ORC3: variants seen among roughly 807,000 people sequenced by gnomAD.
ORC3 encodes the protein homolog of latheo, Drosophila.
ORC3 carries 78 observed loss-of-function variants against 100.7 expected under a neutral mutation model. The observed-to-expected ratio is 0.77, with a 90% CI of 0.65 to 0.94. The LOEUF is 0.94. Among genes scored for constraint, ORC3 ranks in the 40% least tolerant of loss-of-function variants. The pLI is 0.00. For missense variants in ORC3, 789 were observed against 823.9 expected, an observed-to-expected ratio of 0.96 and a Z score of 0.52; for synonymous variants, 295 against 289.3, an observed-to-expected ratio of 1.02 and a Z score of -0.20.
intron 13 of ORC3, among the ~76,000 whole-genome samples, chr6:87,648,839 T>G (rs1356546533): frequency 1.3e-5 from 2 of 152,248 alleles, no homozygotes; most frequent in African/African-American, 4.8e-5. Context: ...ATATTTAGAT[T>G]GTTTCTAATT....
In ORC3 at chr6:87,657,096, G is replaced by A. The variant is rs9450766; in HGVS notation, c.1593+114G>A. The A allele has an allele frequency of 3.3e-3, 2,308 of 701,724 alleles. 34 individuals are homozygous for A. In the African/African-American group the frequency reaches 0.037, roughly 11 times the overall value. 43.5% of individuals were successfully genotyped at this position (701,724 alleles called of 1,614,324 possible). ...TGTTTTCATTTTTAAACCACAACCAGGAACAAAGCAGACTTTTAACTCACT... is the reference window on the plus strand; with the variant it reads ...TGTTTTCATTTTTAAACCACAACCAAGAACAAAGCAGACTTTTAACTCACT... On this transcript the variant is annotated intron_variant, in intron 15 of 19. Coordinates refer to ENST00000392844, the MANE Select transcript of ORC3 (RefSeq NM_012381.4).
chr6:87,604,310 G>A (rs547204081), intron 4 of ORC3, among the ~76,000 whole-genome samples: 8 of 152,296 alleles, frequency 5.3e-5, no homozygotes, highest in South Asian at 4.1e-4. Flanking sequence ...TCCAGGGATC[G>A]TATTAAAATG....
At chr6:87,656,631 A>C (rs1769718101) in intron 14 of ORC3, among the ~76,000 whole-genome samples, 1 of 151,694 alleles carries the variant, frequency 6.6e-6, no homozygotes. Context: ...TGTTGGTTTG[A>C]GGGAGTTTTG....
chr6:87,612,096 C>G lies in ORC3; in HGVS notation c.721C>G (p.Leu241Val), dbSNP rs748091739. Residue 241 changes from leucine to valine, a missense_variant, in exon 8 of 20, where the codon CTC (leucine) becomes GTC (valine). Around this residue, in one of 3 missense-constraint regions of ORC3, gnomAD observed 399 missense variants for 382.0 expected, o/e 1.04. Coordinates refer to ENST00000392844, the MANE Select transcript of ORC3 (RefSeq NM_012381.4). ...QDFIIISSQHLHEFPLILIFG... is the reference protein window; with the variant it reads ...QDFIIISSQHVHEFPLILIFG... Reference sequence around the variant, plus strand: ...TCTGTCTTTCAAAACTAGTCAACATCTCCATGAATTTCCACTAATACTCAT... The same window carrying G: ...TCTGTCTTTCAAAACTAGTCAACATGTCCATGAATTTCCACTAATACTCAT... 1 of 1,608,534 alleles carries G rather than the reference C, an allele frequency of 6.2e-7. No homozygotes were observed. The highest frequency in any genetic ancestry group is 1.1e-5 in the South Asian group (1 of 89,178).
chr6:87,636,475 G>A lies in ORC3; in HGVS notation c.1371G>A (p.Leu457=), dbSNP rs778851260. Residue 457 remains leucine, a synonymous_variant, in exon 13 of 20, where the codon TTG becomes TTA. Coordinates refer to ENST00000392844, the MANE Select transcript of ORC3 (RefSeq NM_012381.4). The part of the protein sequence containing the change: ...IWDSEEYASV[L]QLLRMLAKDE... ...ATTCAGAGGAGTATGCATCAGTCTT[G>A]CAGCTGCTGAGGTAGTTTTGTTTTT... 5.0e-6 allele frequency: 8 copies of A among 1,609,044 alleles called. No individual in the cohort carries two copies. The South Asian group carries it at 8.8e-5, about 18-fold the overall frequency.
chr6:87,619,112 CA>C (rs1362760288), intron 9 of ORC3, among the ~76,000 whole-genome samples: 1 of 151,994 alleles, frequency 6.6e-6, no homozygotes, highest in East Asian at 1.9e-4. Flanking sequence ...CACCTTAAGA[CA>C]AACTGACCTG....
At chr6:87,673,335 G>A in the ORC3 span, among the ~76,000 whole-genome samples, 1 of 151,774 alleles carries the variant, frequency 6.6e-6, no homozygotes, top group Admixed American at 6.6e-5. Flanking sequence ...TCTTAGCTGG[G>A]AACTGTTTTG....
chr6:87,604,716 C>G (rs1778206546), intron 4 of ORC3, among the ~76,000 whole-genome samples: 1 of 152,134 alleles, frequency 6.6e-6, no homozygotes, highest in Non-Finnish European at 1.5e-5. Context: ...TTTTACTGAA[C>G]TTCTAAATTT....
intron 13 of ORC3, among the ~76,000 whole-genome samples, chr6:87,639,704 GCA>G (rs1004687143): frequency 2.0e-5 from 3 of 151,954 alleles, no homozygotes; most frequent in African/African-American, 7.3e-5. Context: ...AAGAGGCCAG[GCA>G]CAGTGGCTTA....
At chr6:87,637,180 C>T (rs1332774313) in intron 13 of ORC3, among the ~76,000 whole-genome samples, 1 of 152,044 alleles carries the variant, frequency 6.6e-6, no homozygotes, top group Non-Finnish European at 1.5e-5. Context: ...GTTGTAAATG[C>T]TTATATAAAA....
the ORC3 span, chr6:87,675,362 G>C: frequency 1.8e-6 from 1 of 549,484 alleles, no homozygotes; most frequent in African/African-American, 1.9e-5. Flanking sequence ...TAATGATACA[G>C]CAAAATGAGG....
intron 13 of ORC3, among the ~76,000 whole-genome samples, chr6:87,646,228 C>T (rs534077341): frequency 4.3e-4 from 66 of 151,916 alleles, no homozygotes; most frequent in Admixed American, 3.6e-3. Flanking sequence ...CCTCATGATC[C>T]GCCCGCCTCG....
the ORC3 span, among the ~76,000 whole-genome samples, chr6:87,677,623 A>AG: frequency 6.6e-6 from 1 of 152,220 alleles, no homozygotes; most frequent in Non-Finnish European, 1.5e-5. Flanking sequence ...CTACACGGCT[A>AG]GCCAATACTC....
chr6:87,633,777 T>G (rs1338860720), intron 11 of ORC3, among the ~76,000 whole-genome samples: 1 of 152,164 alleles, frequency 6.6e-6, no homozygotes, highest in Admixed American at 6.5e-5. Flanking sequence ...GATAATCCTC[T>G]TAAGAAAATG....
chr6:87,596,487 T>TA (rs1777458275), intron 2 of ORC3, among the ~76,000 whole-genome samples: 1 of 151,786 alleles, frequency 6.6e-6, no homozygotes, highest in African/African-American at 2.4e-5. Flanking sequence ...CAGGTTGTGT[T>TA]AAAGTCCCAG....
At chr6:87,593,724 T>G (rs1777213530) in intron 1 of ORC3, among the ~76,000 whole-genome samples, 1 of 152,278 alleles carries the variant, frequency 6.6e-6, no homozygotes, top group South Asian at 2.1e-4. Flanking sequence ...AGACAGAGCT[T>G]CGCTCTTTGT....
At chr6:87,653,336 TAGAGATAA>T (rs1769424156) in intron 14 of ORC3, 87 bp downstream of exon 14, 7 of 1,280,340 alleles carry the variant, frequency 5.5e-6, no homozygotes, top group Non-Finnish European at 6.6e-6. Context: ...CTGATGTGCT[TAGAGATAA>T]AGAGATAAAG....
intron 11 of ORC3, among the ~76,000 whole-genome samples, chr6:87,627,245 C>T (rs1035776150): frequency 5.4e-5 from 8 of 149,430 alleles, no homozygotes; most frequent in South Asian, 2.1e-4. Flanking sequence ...ATAATCCACC[C>T]GCCTCGGCCC....
chr6:87,594,428 A>T (rs751207283), intron 2 of ORC3, 21 bp downstream of exon 2: 2 of 1,551,200 alleles, frequency 1.3e-6, no homozygotes, highest in Non-Finnish European at 1.8e-6. Flanking sequence ...TGAATATTAA[A>T]TTTTTTATTC....
Sources: allele counts gnomAD v4.1 joint callset (sites outside exome capture counted in the v4.1 genomes callset), GRCh38; gene constraint gnomAD v4.1.1; regional missense constraint gnomAD v4.1.1; transcripts MANE v1.5; gene names NCBI Gene and HGNC (gene_info 2026-07-23, HGNC 2026-07-21).